The following CACNA1D variants were observed in gnomAD, a reference collection of about 807,000 sequenced individuals.
The protein encoded by CACNA1D is calcium voltage-gated channel subunit alpha1 D.
A neutral mutation model predicts 257.1 loss-of-function variants in CACNA1D; 55 were observed. The ratio of observed to expected loss-of-function variants is 0.21; its 90% CI spans 0.17 to 0.27. The LOEUF (loss-of-function observed/expected upper bound fraction) is 0.27, where lower values mean the gene tolerates loss of function less well. Among genes scored for constraint, CACNA1D ranks in the 10% least tolerant of loss-of-function variants. The pLI is 1.00. For synonymous variants in CACNA1D, 980 were observed against 1,014.9 expected, an observed-to-expected ratio of 0.97 and a Z score of 0.65; for missense variants, 1,876 against 2,784.0, an observed-to-expected ratio of 0.67 and a Z score of 7.34.
In CACNA1D at chr3:53,718,683, T is replaced by C. The variant is rs201775251; in HGVS notation, c.1478+295T>C. The stretch of plus-strand genomic sequence containing the variant: ...CTGGCCACCTGCTGTGTCCATTAGG[T>C]GCTGGTGGAGACGGAGAGGCGCGGC... On this transcript the variant is annotated intron_variant, in intron 10 of 47. Transcript: ENST00000350061. 353 of 1,552,488 alleles carry C rather than the reference T, an allele frequency of 2.3e-4. No homozygotes were observed. The highest frequency in any genetic ancestry group is 2.9e-4 in the Non-Finnish European group (333 of 1,148,792).
chr3:53,801,525 A>G, intron 42 of CACNA1D, 100 bp downstream of exon 42: 1 of 1,478,960 alleles, frequency 6.8e-7, no homozygotes, highest in Non-Finnish European at 9.3e-7. Flanking sequence ...GCTCTGGGGC[A>G]TGGAGGAGGT....
Position 53,732,926 on chromosome 3 carries a change from A to C in CACNA1D, c.2585A>C (p.Glu862Ala). The part of the protein sequence containing the change: ...NMKEKIAPIP[E>A]GSAFFILSKT... ...AAGGAAAAAATTGCCCCCATCCCTGAAGGGAGCGCTTTCTTCATTCTTAGC... is the reference window on the plus strand; with the variant it reads ...AAGGAAAAAATTGCCCCCATCCCTGCAGGGAGCGCTTTCTTCATTCTTAGC... The change falls in exon 19 of 48, where the codon GAA becomes GCA. Residue 862 changes from glutamate (E) to alanine (A), a missense_variant. Coordinates refer to ENST00000350061, the MANE Select transcript of CACNA1D (RefSeq NM_001128840.3). 1 of 1,613,960 alleles carries C rather than the reference A, an allele frequency of 6.2e-7. No individual in the cohort carries two copies. The highest frequency in any genetic ancestry group is 8.5e-7 in the Non-Finnish European group (1 of 1,179,874).
intron 30 of CACNA1D, among the ~76,000 whole-genome samples, chr3:53,764,622 G>A (rs142596498): frequency 5.9e-5 from 9 of 152,314 alleles, no homozygotes; most frequent in East Asian, 1.9e-4. Flanking sequence ...GACAGCACGC[G>A]CCCGGCTTCC....
intron 39 of CACNA1D, chr3:53,785,522 G>A (rs2095448082): frequency 6.6e-6 from 1 of 152,174 alleles, no homozygotes; most frequent in South Asian, 2.1e-4. Context: ...GCCCACCCCG[G>A]GTACATTAGT....
intron 3 of CACNA1D, among the ~76,000 whole-genome samples, chr3:53,508,438 G>C (rs1334071837): frequency 6.6e-6 from 1 of 152,092 alleles, no homozygotes; most frequent in East Asian, 1.9e-4. Context: ...ATTAAGCCTA[G>C]TACCCAATAG....
chr3:53,772,954 G>T, intron 33 of CACNA1D, 56 bp downstream of exon 33: 1 of 1,375,664 alleles, frequency 7.3e-7, no homozygotes, highest in Non-Finnish European at 1.0e-6. Context: ...CCCCAAATCT[G>T]TGGCAAGATG....
At chr3:53,533,911 A>G (rs543594351) in intron 3 of CACNA1D, among the ~76,000 whole-genome samples, 8 of 152,288 alleles carry the variant, frequency 5.3e-5, no homozygotes, top group African/African-American at 1.2e-4. Context: ...GGATAATAGC[A>G]TCATCGTTAA....
At chr3:53,733,930 T>TTTG (rs2095026701) in intron 19 of CACNA1D, among the ~76,000 whole-genome samples, 13 of 134,030 alleles carry the variant, frequency 9.7e-5, no homozygotes, top group South Asian at 2.3e-4. Flanking sequence ...GTGTGTGTGT[T>TTTG]TGTGTGTGTG....
At chr3:53,598,565 A>G (rs1215776491) in intron 3 of CACNA1D, among the ~76,000 whole-genome samples, 8 of 151,638 alleles carry the variant, frequency 5.3e-5, no homozygotes, top group African/African-American at 1.9e-4. Context: ...AACCTGGGCA[A>G]CAGAGTGAGA....
intron 9 of CACNA1D, among the ~76,000 whole-genome samples, chr3:53,709,073 G>A (rs1355538479): frequency 6.6e-6 from 1 of 152,188 alleles, no homozygotes; most frequent in Non-Finnish European, 1.5e-5. Context: ...AGCTCCATGG[G>A]TGCAGCAGGA....
rs1262561704 is a variant in CACNA1D at position 53,811,232 on chromosome 3, C to T, written c.6312C>T (p.Ser2104=). 6.2e-7 allele frequency: 1 copy of T among 1,614,048 alleles called. No homozygotes were observed. Among genetic ancestry groups the T allele is most frequent in the African/African-American group, 1.3e-5 (1 of 75,046 alleles). Residue 2104 remains serine, a synonymous_variant, in exon 48 of 48, where the codon AGC becomes AGT. Coordinates refer to ENST00000350061, the MANE Select transcript of CACNA1D (RefSeq NM_001128840.3). The surrounding 1 kb of genome is among the most constrained non-coding windows in gnomAD (Gnocchi z 4.2). ...LTIDEMESAA[S]TLLNGNVRPR... Reference sequence around the variant, plus strand: ...TCGACGAGATGGAGAGTGCAGCCAGCACCCTGCTTAATGGGAACGTGCGTC... The same window carrying T: ...TCGACGAGATGGAGAGTGCAGCCAGTACCCTGCTTAATGGGAACGTGCGTC...
intron 3 of CACNA1D, among the ~76,000 whole-genome samples, chr3:53,638,998 G>A (rs577164580): frequency 1.6e-4 from 24 of 152,330 alleles, no homozygotes; most frequent in African/African-American, 5.8e-4. Context: ...GGACCAGGGT[G>A]GAGTTGTAGT....
chr3:53,587,312 A>C (rs1489809888), intron 3 of CACNA1D, among the ~76,000 whole-genome samples: 1 of 152,142 alleles, frequency 6.6e-6, no homozygotes, highest in Non-Finnish European at 1.5e-5. Context: ...TAGAAGGGAC[A>C]GCAGCTAGGG....
chr3:53,711,881 A>G (rs1229133410), intron 9 of CACNA1D, among the ~76,000 whole-genome samples: 2 of 152,226 alleles, frequency 1.3e-5, no homozygotes, highest in East Asian at 1.9e-4. Flanking sequence ...CTGAGGTGGG[A>G]CAGTGAGTTA....
At chr3:53,555,252 G>A (rs933517648) in intron 3 of CACNA1D, among the ~76,000 whole-genome samples, 10 of 152,112 alleles carry the variant, frequency 6.6e-5, no homozygotes, top group Non-Finnish European at 1.5e-4. Flanking sequence ...TTCCAGCTAT[G>A]TTTTTTATGG....
Position 53,774,882 on chromosome 3 carries a change from G to A in CACNA1D, c.4202+204G>A, listed in dbSNP as rs190083363. ...ATTTTGCTGGATTGTTAAAACTGCT[G>A]TGGTAATCCCGATTGTGGCTGGCAT... On this transcript the variant is annotated intron_variant, in intron 34 of 47. Transcript: ENST00000350061. The surrounding 1 kb of genome is among the most constrained non-coding windows in gnomAD (Gnocchi z 4.3). 3.6e-3 allele frequency among the ~76,000 whole-genome samples: 546 copies of A among 152,356 alleles called. No homozygotes were observed. The highest frequency in any genetic ancestry group is 6.0e-3 in the Non-Finnish European group (409 of 68,040).
intron 4 of CACNA1D, among the ~76,000 whole-genome samples, chr3:53,653,966 T>A (rs1392679045): frequency 6.6e-6 from 1 of 152,204 alleles, no homozygotes; most frequent in Admixed American, 6.5e-5. Flanking sequence ...TCAGACTATT[T>A]GTCAACAACT....
chr3:53,665,158 C>G (rs1233984633), intron 5 of CACNA1D, among the ~76,000 whole-genome samples: 1 of 151,808 alleles, frequency 6.6e-6, no homozygotes, highest in Admixed American at 6.6e-5. Flanking sequence ...ATCCCTTTGG[C>G]CTTTTCAACT....
intron 3 of CACNA1D, among the ~76,000 whole-genome samples, chr3:53,620,738 A>C (rs1331721086): frequency 6.6e-6 from 1 of 152,180 alleles, no homozygotes; most frequent in Non-Finnish European, 1.5e-5. Context: ...TTGCACCCTA[A>C]ATTTTGGGAT....
Sources: allele counts gnomAD v4.1 joint callset (sites outside exome capture counted in the v4.1 genomes callset), GRCh38; gene constraint gnomAD v4.1.1; non-coding constraint Gnocchi (gnomAD v3.1); transcripts MANE v1.5; gene names NCBI Gene and HGNC (gene_info 2026-07-23, HGNC 2026-07-21).